The following CP variants were observed in gnomAD, a reference collection of about 807,000 sequenced individuals.
CP encodes caeruloplasmin.
Under a neutral mutation model 122.4 loss-of-function variants are expected in CP, and 64 were observed. The ratio of observed to expected loss-of-function variants is 0.52; its 90% CI spans 0.43 to 0.64. The LOEUF is 0.64. CP is among the 30% of genes least tolerant of loss of function. The pLI is 0.00. For synonymous variants in CP, 440 were observed against 436.4 expected, an observed-to-expected ratio of 1.01 and a Z score of -0.10; for missense variants, 1,167 against 1,284.4, an observed-to-expected ratio of 0.91 and a Z score of 1.40.
chr3:149,164,856 G>A (rs1277997265), intron 5 of CP, among the ~76,000 whole-genome samples: 1 of 152,104 alleles, frequency 6.6e-6, no homozygotes, highest in East Asian at 1.9e-4. Context: ...CTGCCCTCAT[G>A]CATCTTCATC....
chr3:149,206,185 G>A lies in CP; in HGVS notation c.1191C>T (p.Asn397=). ...TAAATTACCTTCCAGGTGCTGTTAA[G>A]TTTTCTTTAGTGAAGATGTCTATAC... The part of the protein sequence containing the change: ...PSGIDIFTKE[N]LTAPGSDSAV... Residue 397 remains asparagine (N), a synonymous_variant, in exon 6 of 19, where the codon AAC becomes AAT. Coordinates refer to ENST00000264613, the MANE Select transcript of CP (RefSeq NM_000096.4). The A allele has an allele frequency of 6.2e-7, 1 of 1,613,852 alleles. No individual in the cohort carries two copies. The highest frequency in any genetic ancestry group is 8.5e-7 in the Non-Finnish European group (1 of 1,179,810).
intron 14 of CP, among the ~76,000 whole-genome samples, chr3:149,181,018 G>GATA (rs1725739021): frequency 2.0e-5 from 3 of 152,014 alleles, no homozygotes; most frequent in Non-Finnish European, 4.4e-5. Flanking sequence ...TGATGATGAT[G>GATA]ATGATGATGA....
At chr3:149,193,712 T>C (rs569904210) in intron 9 of CP, among the ~76,000 whole-genome samples, 3 of 152,346 alleles carry the variant, frequency 2.0e-5, no homozygotes, top group South Asian at 4.1e-4. Flanking sequence ...CTTGTCAGCT[T>C]AATACATTTT....
intron 9 of CP, among the ~76,000 whole-genome samples, chr3:149,193,440 A>G (rs1726676845): frequency 6.6e-6 from 1 of 152,208 alleles, no homozygotes; most frequent in Non-Finnish European, 1.5e-5. Flanking sequence ...AGTTTTTTTA[A>G]TGATATAGAA....
chr3:149,215,024 C>A (rs1288394350), intron 1 of CP, among the ~76,000 whole-genome samples: 1 of 152,156 alleles, frequency 6.6e-6, no homozygotes, highest in Non-Finnish European at 1.5e-5. Flanking sequence ...GGTAAATTTT[C>A]TTAAGAGTCT....
rs969147609 is a variant in CP, at chr3:149,218,482, A to G, written c.146+3165T>C. Among the ~76,000 whole-genome samples the G allele has an allele frequency of 2.0e-5, 3 of 152,174 alleles. No individual in the cohort carries two copies. The East Asian group carries it at 5.8e-4, about 29-fold the overall frequency. ...ATATTATTGGCATTAATACCAGAGAAGTAAACTTTATTTTTTTAGTCCCCC... is the reference window on the plus strand; with the variant it reads ...ATATTATTGGCATTAATACCAGAGAGGTAAACTTTATTTTTTTAGTCCCCC... On this transcript the variant is annotated intron_variant, in intron 1 of 18. Transcript: ENST00000264613.
Position 149,207,371 on chromosome 3 carries a change from T to C in CP, c.1028A>G (p.His343Arg). ...AGGTAAAGATGTCCTACCTTTCAGA[T>C]GGTTTAGATTCTGACAGCTGAGCAT... Reference protein sequence around the residue: ...EWMLSCQNLNHLKAGLQAFFQ... With the variant: ...EWMLSCQNLNRLKAGLQAFFQ... Residue 343 changes from histidine (H) to arginine (R), a missense_variant, in exon 5 of 19, where the codon CAT (histidine) becomes CGT (arginine). Coordinates refer to ENST00000264613, the MANE Select transcript of CP (RefSeq NM_000096.4). The C allele has an allele frequency of 1.2e-6, 2 of 1,613,914 alleles. No individual in the cohort carries two copies. The highest frequency in any genetic ancestry group is 1.7e-6 in the Non-Finnish European group (2 of 1,179,782).
chr3:149,207,032 C>T (rs747065957), intron 5 of CP, among the ~76,000 whole-genome samples: 1 of 151,942 alleles, frequency 6.6e-6, no homozygotes, highest in Non-Finnish European at 1.5e-5. Flanking sequence ...AGAAATAAGT[C>T]GAAAAACAGG....
chr3:149,199,961 T>A, intron 7 of CP, 97 bp from the exon 8 acceptor site: 1 of 1,266,080 alleles, frequency 7.9e-7, no homozygotes, highest in Non-Finnish European at 1.1e-6. Context: ...TGGCAAGAAC[T>A]ACTAGGAGCA....
chr3:149,171,070 G>C (rs1724933839), downstream of CP, among the ~76,000 whole-genome samples: 1 of 152,204 alleles, frequency 6.6e-6, no homozygotes, highest in South Asian at 2.1e-4. Flanking sequence ...ATGAGGTCAA[G>C]AGATCGAGAC....
chr3:149,182,710 G>A (rs1045103395), intron 13 of CP, among the ~76,000 whole-genome samples: 4 of 152,154 alleles, frequency 2.6e-5, no homozygotes, highest in South Asian at 2.1e-4. Flanking sequence ...TGCTTTGTGC[G>A]TGGTATCATT....
chr3:149,191,692 C>T (rs1726559086), intron 9 of CP, among the ~76,000 whole-genome samples: 1 of 151,756 alleles, frequency 6.6e-6, no homozygotes, highest in African/African-American at 2.4e-5. Context: ...TAATATAGAA[C>T]CTATATGAAT....
At chr3:149,182,715 A>G (rs1725867089) in intron 13 of CP, among the ~76,000 whole-genome samples, 1 of 152,182 alleles carries the variant, frequency 6.6e-6, no homozygotes, top group Admixed American at 6.5e-5. Context: ...TGTGCGTGGT[A>G]TCATTTTTTC....
intron 9 of CP, among the ~76,000 whole-genome samples, chr3:149,196,252 G>A (rs1304180370): frequency 1.3e-5 from 2 of 152,156 alleles, no homozygotes; most frequent in African/African-American, 4.8e-5. Context: ...TTTCAGTGCA[G>A]TTTAAGGCAG....
intron 5 of CP, among the ~76,000 whole-genome samples, chr3:149,165,385 A>G (rs1463730492): frequency 2.6e-5 from 4 of 152,236 alleles, no homozygotes; most frequent in Non-Finnish European, 5.9e-5. Context: ...AAATATTTTA[A>G]AAGGAAAATA....
chr3:149,207,479 T>G lies in CP; in HGVS notation c.920A>C (p.Lys307Thr). 1 of 1,614,030 alleles carries G rather than the reference T, an allele frequency of 6.2e-7. No homozygotes were observed. Among genetic ancestry groups the G allele is most frequent in the African/African-American group, 1.3e-5 (1 of 75,046 alleles). ...GTTGATTGTGTCAATACGGTAGTTCTTGTTAGTCAGTGCTTGCCCGTGAAA... is the reference window on the plus strand; with the variant it reads ...GTTGATTGTGTCAATACGGTAGTTCGTGTTAGTCAGTGCTTGCCCGTGAAA... ...AFFHGQALTN[K>T]NYRIDTINLF... Residue 307 changes from lysine (K) to threonine (T), a missense_variant, in exon 5 of 19, where the codon AAG (lysine) becomes ACG (threonine). Transcript: ENST00000264613.
At chr3:149,176,906 C>T (rs1725458381) in intron 17 of CP, among the ~76,000 whole-genome samples, 1 of 152,140 alleles carries the variant, frequency 6.6e-6, no homozygotes. Flanking sequence ...TGACAATAGT[C>T]TATTTCTGCA....
intron 6 of CP, among the ~76,000 whole-genome samples, chr3:149,203,846 T>C (rs1163114516): frequency 6.6e-6 from 1 of 152,158 alleles, no homozygotes; most frequent in African/African-American, 2.4e-5. Context: ...AACCCATCAA[T>C]ATAATACAGT....
At position 149,207,461 on chromosome 3, in the gene CP, G is replaced by T; in HGVS notation, c.938C>A (p.Thr313Lys). Residue 313 changes from threonine (T) to lysine (K), a missense_variant, in exon 5 of 19, where the codon ACA becomes AAA. Transcript: ENST00000264613. ...ALTNKNYRID[T>K]INLFPATLFD... ...CAGGGTAGCAGGAAAGAGGTTGATT[G>T]TGTCAATACGGTAGTTCTTGTTAGT... The T allele has an allele frequency of 6.2e-7, 1 of 1,613,990 alleles. No homozygotes were observed. Among genetic ancestry groups the T allele is most frequent in the Non-Finnish European group, 8.5e-7 (1 of 1,179,878 alleles).
Sources: gnomAD v4.1 joint callset for allele counts (sites outside exome capture counted in the v4.1 genomes callset) on GRCh38, gnomAD v4.1.1 for gene constraint, MANE v1.5 for transcripts, NCBI Gene and HGNC (gene_info 2026-07-23, HGNC 2026-07-21) for gene names.